Variants in RSRC1 observed in about 807,000 individuals in gnomAD.
RSRC1 encodes arginine and serine rich coiled-coil 1.
RSRC1 carries 39 observed loss-of-function variants against 49.1 expected under a neutral mutation model. The observed-to-expected ratio is 0.79, with a 90% CI of 0.61 to 1.04. RSRC1 has a LOEUF of 1.04. Among genes scored for constraint, RSRC1 ranks in the 50% least tolerant of loss-of-function variants. The pLI is 0.00. For missense variants in RSRC1, 388 were observed against 402.4 expected (o/e 0.96, Z 0.31); for synonymous variants, 143 against 130.8 (o/e 1.09, Z -0.63).
At chr3:158,342,285 C>T (rs1441007005) in intron 5 of RSRC1, among the ~76,000 whole-genome samples, 1 of 152,144 alleles carries the variant, frequency 6.6e-6, no homozygotes, top group African/African-American at 2.4e-5. Context: ...CAAATCTCAA[C>T]TTGAATTGTA....
intron 4 of RSRC1, among the ~76,000 whole-genome samples, chr3:158,226,966 C>A (rs947064673): frequency 2.0e-5 from 3 of 151,326 alleles, no homozygotes; most frequent in African/African-American, 7.3e-5. Flanking sequence ...TGTACTGCCC[C>A]ACAAGGAGAA....
intron 5 of RSRC1, among the ~76,000 whole-genome samples, chr3:158,315,297 T>C (rs1728367596): frequency 1.3e-5 from 2 of 152,174 alleles, no homozygotes; most frequent in African/African-American, 4.8e-5. Flanking sequence ...AATAAAACCT[T>C]GTAGTAACAC....
At chr3:158,229,635 T>C (rs1435097770) in intron 4 of RSRC1, among the ~76,000 whole-genome samples, 2 of 151,668 alleles carry the variant, frequency 1.3e-5, no homozygotes, top group East Asian at 3.9e-4. Context: ...CTAGTCAAAA[T>C]ATTTTTGAAA....
chr3:158,132,788 A>G (rs1333646001), intron 3 of RSRC1, among the ~76,000 whole-genome samples: 1 of 152,258 alleles, frequency 6.6e-6, no homozygotes, highest in Non-Finnish European at 1.5e-5. Flanking sequence ...TAATCAATGA[A>G]CAAAGTCAGA....
At chr3:158,376,628 T>C (rs899045150) in intron 6 of RSRC1, among the ~76,000 whole-genome samples, 1 of 152,314 alleles carries the variant, frequency 6.6e-6, no homozygotes, top group African/African-American at 2.4e-5. Context: ...ACAGTAGTCA[T>C]AGGGCTCATC....
intron 7 of RSRC1, among the ~76,000 whole-genome samples, chr3:158,485,087 C>T (rs901834829): frequency 6.6e-6 from 1 of 151,940 alleles, no homozygotes; most frequent in Non-Finnish European, 1.5e-5. Context: ...TACTCATTAG[C>T]AGTTTACATT....
At chr3:158,214,824 G>T (rs910040743) in intron 4 of RSRC1, among the ~76,000 whole-genome samples, 5 of 151,614 alleles carry the variant, frequency 3.3e-5, no homozygotes, top group African/African-American at 1.2e-4. Flanking sequence ...ATTAGTTAAG[G>T]TTATTTTTAT....
intron 6 of RSRC1, among the ~76,000 whole-genome samples, chr3:158,456,746 G>T (rs1490147801): frequency 6.6e-6 from 1 of 152,130 alleles, no homozygotes; most frequent in Non-Finnish European, 1.5e-5. Context: ...CAAACAAAAG[G>T]TACTGTGGCC....
In RSRC1 at chr3:158,120,336, G is replaced by T. The variant is rs144131841; in HGVS notation, c.-2-1767G>T. On this transcript the variant is annotated intron_variant, in intron 1 of 9. Coordinates refer to ENST00000611884, the MANE Select transcript of RSRC1 (RefSeq NM_001271838.2). The stretch of plus-strand genomic sequence containing the variant: ...AGCTACATTTAAAATCCTTAATTCT[G>T]GCTCTAGGTAAATAGCTTAAAGTTT... Among the ~76,000 whole-genome samples the T allele has an allele frequency of 1.4e-3, 208 of 151,922 alleles. 2 individuals carry two copies. Among genetic ancestry groups the T allele is most frequent in the African/African-American group, 4.0e-3 (165 of 41,446 alleles).
intron 3 of RSRC1, 133 bp downstream of exon 3, chr3:158,124,124 C>G (rs2108168083): frequency 1.8e-6 from 1 of 554,496 alleles, no homozygotes; most frequent in Admixed American, 3.6e-5. Context: ...TTTTTCTCAC[C>G]TGGGGTCATT....
chr3:158,359,492 G>A (rs112579605), intron 6 of RSRC1, among the ~76,000 whole-genome samples: 87 of 152,250 alleles, frequency 5.7e-4, no homozygotes, highest in Non-Finnish European at 9.9e-4. Context: ...AACTCTGTGC[G>A]GCTGCTGCAG....
intron 3 of RSRC1, among the ~76,000 whole-genome samples, chr3:158,184,117 A>G (rs906668543): frequency 7.9e-5 from 12 of 152,122 alleles, no homozygotes; most frequent in Non-Finnish European, 1.8e-4. Flanking sequence ...ATAAAGATCC[A>G]TGGAGAAAAC....
At chr3:158,253,684 A>C (rs1003644471) in intron 4 of RSRC1, among the ~76,000 whole-genome samples, 4 of 152,090 alleles carry the variant, frequency 2.6e-5, no homozygotes, top group African/African-American at 7.2e-5. Flanking sequence ...CGGCTATTGT[A>C]CTGAAATCTG....
chr3:158,482,424 T>A (rs6441204), intron 7 of RSRC1, among the ~76,000 whole-genome samples: 78,977 of 151,882 alleles, frequency 0.52, 21,092 homozygotes, highest in African/African-American at 0.64. Context: ...TAATTATTAT[T>A]ACTTCACTTT....
intron 8 of RSRC1, among the ~76,000 whole-genome samples, chr3:158,540,585 A>AG (rs1357006217): frequency 1.3e-5 from 2 of 152,156 alleles, no homozygotes; most frequent in East Asian, 3.9e-4. Flanking sequence ...CCTTAAAAAA[A>AG]AAAAGTGGAT....
chr3:158,502,045 G>T (rs12638438), intron 7 of RSRC1, among the ~76,000 whole-genome samples: 78,867 of 151,994 alleles, frequency 0.52, 20,916 homozygotes, highest in African/African-American at 0.63. Context: ...CTTTTAGCAG[G>T]TCTTGCAGTG....
intron 4 of RSRC1, among the ~76,000 whole-genome samples, chr3:158,228,829 G>GTGTATATATGTATATAAACACACATACA (rs1722675156): frequency 2.7e-5 from 4 of 149,926 alleles, no homozygotes; most frequent in Non-Finnish European, 4.5e-5. Flanking sequence ...AGACACACGT[G>GTGTATATATGTATATAAACACACATACA]TGTATATATG....
chr3:158,154,623 C>T (rs531435904), intron 3 of RSRC1, among the ~76,000 whole-genome samples: 105 of 152,058 alleles, frequency 6.9e-4, no homozygotes, highest in Non-Finnish European at 1.3e-3. Flanking sequence ...TGCCACCATG[C>T]CCAGCTAATT....
At chr3:158,135,358 C>T (rs939358981) in intron 3 of RSRC1, among the ~76,000 whole-genome samples, 29 of 151,064 alleles carry the variant, frequency 1.9e-4, no homozygotes, top group African/African-American at 6.6e-4. Flanking sequence ...CAACCTTCAT[C>T]TCCTGGGTTC....
Sources: gnomAD v4.1 joint callset for allele counts (sites outside exome capture counted in the v4.1 genomes callset) on GRCh38, gnomAD v4.1.1 for gene constraint, MANE v1.5 for transcripts, NCBI Gene and HGNC (gene_info 2026-07-23, HGNC 2026-07-21) for gene names.